Variants in CDHR2 observed in about 807,000 individuals in gnomAD.
CDHR2 encodes the protein cadherin-related family member 2.
In CDHR2, 104 loss-of-function variants were observed where a neutral mutation model predicts 138.6. The observed-to-expected ratio is 0.75, with a 90% CI of 0.64 to 0.88. The LOEUF is 0.88. Among genes scored for constraint, CDHR2 ranks in the 40% least tolerant of loss-of-function variants. The pLI, the probability that CDHR2 is intolerant of heterozygous loss-of-function variation, is 0.00. For missense variants in CDHR2, 1,624 were observed against 1,727.6 expected, an observed-to-expected ratio of 0.94 and a Z score of 1.06; for synonymous variants, 755 against 742.8, an observed-to-expected ratio of 1.02 and a Z score of -0.27.
chr5:176,588,618 AGT>A (rs1430752138), intron 21 of CDHR2, among the ~76,000 whole-genome samples: 9 of 111,352 alleles, frequency 8.1e-5, no homozygotes, highest in African/African-American at 1.8e-4. Flanking sequence ...TATGTGTGTA[AGT>A]GTGTGTTAGG....
At chr5:176,569,585 A>G (rs1758176667) in intron 5 of CDHR2, among the ~76,000 whole-genome samples, 1 of 152,174 alleles carries the variant, frequency 6.6e-6, no homozygotes, top group Admixed American at 6.5e-5. Context: ...CCCGGCCTAA[A>G]TGTATTATTA....
At chr5:176,580,643 G>A (rs894751071) in intron 16 of CDHR2, among the ~76,000 whole-genome samples, 24 of 152,078 alleles carry the variant, frequency 1.6e-4, no homozygotes, top group African/African-American at 5.6e-4. Context: ...GGGAAGCTGA[G>A]GCAGGTGGAT....
At chr5:176,568,550 G>A in intron 3 of CDHR2, 128 bp from the exon 4 acceptor site, 3 of 981,898 alleles carry the variant, frequency 3.1e-6, no homozygotes, top group Non-Finnish European at 3.0e-6. Context: ...GGTTGGGGAG[G>A]TCCCAGATGG....
intron 1 of CDHR2, among the ~76,000 whole-genome samples, chr5:176,564,599 A>G (rs1458830866): frequency 1.3e-5 from 2 of 152,148 alleles, no homozygotes; most frequent in African/African-American, 4.8e-5. Flanking sequence ...ACATAAGATG[A>G]TCAAAAAGAC....
upstream of CDHR2, among the ~76,000 whole-genome samples, chr5:176,546,859 T>A (rs1453978322): frequency 6.6e-6 from 1 of 151,794 alleles, no homozygotes; most frequent in Non-Finnish European, 1.5e-5. Flanking sequence ...CGCTACCCAG[T>A]GTCTGCAGCA....
In CDHR2 at chr5:176,575,742, G is replaced by A. The variant is rs775970124; in HGVS notation, c.863G>A (p.Trp288Ter). 64 of 1,573,330 alleles carry A rather than the reference G, an allele frequency of 4.1e-5. No homozygotes were observed. Among genetic ancestry groups the A allele is most frequent in the Non-Finnish European group, 5.3e-5 (61 of 1,158,750 alleles). Residue 288 changes from tryptophan to a stop codon, truncating the protein, a stop_gained, in exon 11 of 32, where the codon TGG (tryptophan) becomes TAG (stop). Transcript: ENST00000261944. LOFTEE classifies it high-confidence loss of function. ...TTGCCAGACTCCACGCGGCCCGGCTGGTTTGACATCGGGGCAGATGGGGTG... is the reference window on the plus strand; with the variant it reads ...TTGCCAGACTCCACGCGGCCCGGCTAGTTTGACATCGGGGCAGATGGGGTG... ...YSISYSTRPGWFDIGADGVIR... is the reference protein window; with the variant it reads ...YSISYSTRPG
At chr5:176,570,294 G>A (rs1464821402) in intron 5 of CDHR2, among the ~76,000 whole-genome samples, 6 of 152,170 alleles carry the variant, frequency 3.9e-5, no homozygotes, top group Non-Finnish European at 8.8e-5. Flanking sequence ...TTATACTATG[G>A]CAAACAAAGC....
In CDHR2 at chr5:176,590,622, A is replaced by T. The variant is rs755072396; in HGVS notation, c.3474A>T (p.Gly1158=). ...AACAGCTCATCAGTGTCATCATAGG[A>T]TTGGGAGTGGCTTTGCTGCTGGTCC... is the stretch of plus-strand genomic sequence containing the variant. ...LSKQLISVII[G]LGVALLLVLV... is the part of the protein sequence containing the mutation. Residue 1158 remains glycine (G), a synonymous_variant, in exon 28 of 32, where the codon GGA becomes GGT. Coordinates refer to ENST00000261944, the MANE Select transcript of CDHR2 (RefSeq NM_017675.6). The T allele has an allele frequency of 1.7e-5, 28 of 1,613,768 alleles. No homozygotes were observed. Among genetic ancestry groups the T allele is most frequent in the Non-Finnish European group, 2.3e-5 (27 of 1,179,990 alleles).
At chr5:176,572,841 G>A (rs968161089) in intron 6 of CDHR2, among the ~76,000 whole-genome samples, 2 of 152,226 alleles carry the variant, frequency 1.3e-5, no homozygotes, top group Admixed American at 1.3e-4. Flanking sequence ...GGTTACCTGG[G>A]GAGCAAGACA....
chr5:176,578,490 C>A lies in CDHR2; in HGVS notation c.1700C>A (p.Ser567Tyr). Residue 567 changes from serine to tyrosine, a missense_variant, in exon 16 of 32, where the codon TCC (serine) becomes TAC (tyrosine). This residue lies in a region of CDHR2 where 1,061 missense variants were observed against 1,136.6 expected (regional missense o/e 0.93). Coordinates refer to ENST00000261944, the MANE Select transcript of CDHR2 (RefSeq NM_017675.6). ...TLQATDGGNL[S>Y]SSTTLQIHLL... ...CAGGCCACAGACGGCGGGAACCTGT[C>A]CTCCTCCACCACACTGCAGATCCAC... The A allele has an allele frequency of 1.2e-6, 2 of 1,613,798 alleles. No homozygotes were observed. The highest frequency in any genetic ancestry group is 1.7e-6 in the Non-Finnish European group (2 of 1,179,760).
In CDHR2 at chr5:176,553,605, G is replaced by C. The variant is rs542162775; in HGVS notation, c.-16+4191G>C. ...GGAGGGAGGTAGGTTCCAGGTTACA[G>C]CCTCAGAGGGATGCCTGGGCTGGAC... is the stretch of plus-strand genomic sequence containing the variant. On this transcript the variant is annotated intron_variant, in intron 1 of 31. Transcript: ENST00000261944. The surrounding 1 kb of genome is among the most constrained non-coding windows in gnomAD (Gnocchi z 4.3). Among the ~76,000 whole-genome samples the C allele has an allele frequency of 5.9e-5, 9 of 152,276 alleles. No homozygotes were observed. In the South Asian group the frequency reaches 1.4e-3, roughly 25 times the overall value.
chr5:176,577,280 C>A (rs1467119206), intron 12 of CDHR2, 119 bp from the exon 13 acceptor site: 3 of 1,108,648 alleles, frequency 2.7e-6, no homozygotes, highest in Admixed American at 2.6e-5. Flanking sequence ...CTTTTGAGAG[C>A]CCCCTTCCAT....
Position 176,565,653 on chromosome 5 carries a change from G to A in CDHR2, c.53-19G>A. 1 of 1,609,216 alleles carries A rather than the reference G, an allele frequency of 6.2e-7. No homozygotes were observed. The highest frequency in any genetic ancestry group is 8.5e-7 in the Non-Finnish European group (1 of 1,176,070). On this transcript the variant is annotated intron_variant, in intron 2 of 31. Transcript: ENST00000261944. ...TTTGCAGGGGTGTCCCGATGTTCCA[G>A]CACACTGTGTCCCTACAGTGGCAGC...
rs748686661 is a variant in CDHR2, at chr5:176,591,453, C to A, written c.3703C>A (p.Leu1235Ile). The change falls in exon 30 of 32, where the codon CTC becomes ATC. Residue 1235 changes from leucine (L) to isoleucine (I), a missense_variant. Physicochemically the swap from Leu to Ile is conservative, Grantham distance 5. Transcript: ENST00000261944. ...LPNKDLGLEYLSPSNDLDSVS... is the reference protein window; with the variant it reads ...LPNKDLGLEYISPSNDLDSVS... ...CAACAAAGACCTGGGCTTGGAGTAC[C>A]TCTCTCCCTCCAATGACCTGGACTC... 5 of 1,613,884 alleles carry A rather than the reference C, an allele frequency of 3.1e-6. No individual in the cohort carries two copies. Among genetic ancestry groups the A allele is most frequent in the Admixed American group, 1.7e-5 (1 of 60,030 alleles).
intron 30 of CDHR2, 86 bp downstream of exon 30, chr5:176,591,570 GATGGTGATGACA>G (rs1758848361): frequency 9.9e-7 from 1 of 1,008,094 alleles, no homozygotes; most frequent in Admixed American, 1.7e-5. Context: ...TGGTGGTGAT[GATGGTGATGACA>G]ATGGTGATGG....
At chr5:176,556,898 C>T (rs1757840015) in intron 1 of CDHR2, 1 of 152,214 alleles carries the variant, frequency 6.6e-6, no homozygotes, top group Non-Finnish European at 1.5e-5. Flanking sequence ...AGTATCCACT[C>T]TCTAGAAGCA....
Position 176,584,162 on chromosome 5 carries a change from G to C in CDHR2, c.2059-28G>C, listed in dbSNP as rs3816825. 6 of 1,597,580 alleles carry C rather than the reference G, an allele frequency of 3.8e-6. No individual in the cohort carries two copies. In the East Asian group the frequency reaches 8.9e-5, roughly 24 times the overall value. ...TCTGGGGAGGGTGAGATTGGATCCC[G>C]GGGACTCAGACCTGTCTCTGACTGC... is the stretch of plus-strand genomic sequence containing the variant. On this transcript the variant is annotated intron_variant, in intron 17 of 31. Transcript: ENST00000261944.
chr5:176,550,329 G>A (rs1757677012), intron 1 of CDHR2, among the ~76,000 whole-genome samples: 2 of 152,264 alleles, frequency 1.3e-5, no homozygotes, highest in Non-Finnish European at 2.9e-5. Flanking sequence ...GAGTCTGTAT[G>A]TGTCTGCTGG....
chr5:176,589,224 C>A (rs1420730016), intron 22 of CDHR2, 42 bp downstream of exon 22: 1 of 1,610,718 alleles, frequency 6.2e-7, no homozygotes, highest in Non-Finnish European at 8.5e-7. Flanking sequence ...CGGGGAGGGG[C>A]CCGATAGGAG....
Sources: allele counts gnomAD v4.1 joint callset (sites outside exome capture counted in the v4.1 genomes callset), GRCh38; gene constraint gnomAD v4.1.1; regional missense constraint gnomAD v4.1.1; non-coding constraint Gnocchi (gnomAD v3.1); transcripts MANE v1.5; gene names NCBI Gene and HGNC (gene_info 2026-07-23, HGNC 2026-07-21).